Variants in CRISPLD2 observed in about 807,000 individuals in gnomAD.
CRISPLD2 encodes cysteine rich secretory protein LCCL domain containing 2, also known as cysteine-rich secretory protein LCCL domain-containing 2.
In CRISPLD2, 47 loss-of-function variants were observed where a neutral mutation model predicts 71.1. That is an observed-to-expected ratio of 0.66 (90% confidence interval 0.52 to 0.84). The LOEUF is 0.84. Ranked by LOEUF, CRISPLD2 falls within the 40% of genes least tolerant of loss-of-function variation. The pLI, the probability that CRISPLD2 is intolerant of heterozygous loss-of-function variation, is 0.00. For missense variants in CRISPLD2, 830 were observed against 651.1 expected (o/e 1.27, Z -2.99); for synonymous variants, 317 against 250.1 (o/e 1.27, Z -2.52).
At chr16:84,830,849 C>T (rs187135498) in intron 1 of CRISPLD2, among the ~76,000 whole-genome samples, 18 of 152,274 alleles carry the variant, frequency 1.2e-4, no homozygotes, top group African/African-American at 3.1e-4. Flanking sequence ...GGAAAGGCTG[C>T]GTGACCGTGT....
chr16:84,889,156 T>A, intron 13 of CRISPLD2, 74 bp from the exon 14 acceptor site: 2 of 1,605,422 alleles, frequency 1.2e-6, no homozygotes, highest in Non-Finnish European at 1.7e-6. Flanking sequence ...CAGCAGTGAA[T>A]GATGGAGCCC....
At chr16:84,823,332 GT>G (rs1166742725) in intron 1 of CRISPLD2, among the ~76,000 whole-genome samples, 1 of 152,214 alleles carries the variant, frequency 6.6e-6, no homozygotes. Context: ...TGTGTACAAG[GT>G]TTTTTGAGGG....
rs1567679947 is a variant in CRISPLD2, at chr16:84,834,943, T to G, written c.-74-3479T>G. Among the ~76,000 whole-genome samples the G allele has an allele frequency of 5.9e-5, 9 of 152,250 alleles. 2 individuals carry two copies. In the South Asian group the frequency reaches 1.9e-3, roughly 32 times the overall value. ...GGCCCCGTCTCCAAATACATTGCAT[T>G]TGGAGGTCCTGGACATTAGGGCTCC... is the stretch of plus-strand genomic sequence containing the variant. On this transcript the variant is annotated intron_variant, in intron 1 of 14. Coordinates refer to ENST00000262424, the MANE Select transcript of CRISPLD2 (RefSeq NM_031476.4).
intron 6 of CRISPLD2, among the ~76,000 whole-genome samples, chr16:84,865,849 G>C (rs1018080445): frequency 6.6e-6 from 1 of 152,164 alleles, no homozygotes. Flanking sequence ...TAAGTGCAAT[G>C]TGTTTGGTTA....
chr16:84,864,955 G>A (rs1480118517), intron 6 of CRISPLD2, among the ~76,000 whole-genome samples: 1 of 152,172 alleles, frequency 6.6e-6, no homozygotes, highest in Non-Finnish European at 1.5e-5. Flanking sequence ...GTGGTTGTAG[G>A]GTAGTGAAAT....
intron 5 of CRISPLD2, among the ~76,000 whole-genome samples, chr16:84,853,907 G>C (rs539029426): frequency 1.3e-5 from 2 of 152,236 alleles, no homozygotes; most frequent in South Asian, 2.1e-4. Context: ...GGCCCAAGCC[G>C]GGGAGCCTGC....
intron 1 of CRISPLD2, among the ~76,000 whole-genome samples, chr16:84,830,699 ACT>A (rs1474323587): frequency 6.6e-6 from 1 of 150,570 alleles, no homozygotes; most frequent in East Asian, 1.9e-4. Flanking sequence ...ACAGAGTGAG[ACT>A]CTGTCTTAAA....
chr16:84,864,157 C>A (rs761989448), intron 6 of CRISPLD2, among the ~76,000 whole-genome samples: 1 of 152,090 alleles, frequency 6.6e-6, no homozygotes, highest in East Asian at 1.9e-4. Context: ...TGGCCCGGAG[C>A]AGAATGGGGC....
intron 12 of CRISPLD2, among the ~76,000 whole-genome samples, 193 bp downstream of exon 12, chr16:84,877,703 A>G (rs1030006439): frequency 7.2e-5 from 11 of 151,966 alleles, no homozygotes; most frequent in Non-Finnish European, 1.2e-4. Flanking sequence ...TACAAAAATT[A>G]GTCAGCCATG....
In CRISPLD2 at chr16:84,865,265, T is replaced by C. The variant is rs533147699; in HGVS notation, c.710-1632T>C. ...CCACCTCCCAGGTTCAAGCAATTCT[T>C]CTGCCTCAGCCCCCCAAGTAGCTGG... On this transcript the variant is annotated intron_variant, in intron 6 of 14. Coordinates refer to ENST00000262424, the MANE Select transcript of CRISPLD2 (RefSeq NM_031476.4). Among the ~76,000 whole-genome samples the C allele has an allele frequency of 5.1e-3, 773 of 152,072 alleles. 4 individuals carry two copies. The highest frequency in any genetic ancestry group is 0.017 in the African/African-American group (711 of 41,472).
At chr16:84,862,295 C>T (rs1208059195) in intron 6 of CRISPLD2, among the ~76,000 whole-genome samples, 3 of 151,998 alleles carry the variant, frequency 2.0e-5, no homozygotes, top group African/African-American at 7.3e-5. Flanking sequence ...CTCAACCTCC[C>T]GGCCTCAAGG....
At chr16:84,820,815 G>C (rs569197375) in intron 1 of CRISPLD2, among the ~76,000 whole-genome samples, 1 of 152,178 alleles carries the variant, frequency 6.6e-6, no homozygotes, top group Non-Finnish European at 1.5e-5. Context: ...TAGCCAGAGC[G>C]GGCACCTGCA....
At chr16:84,862,518 T>C (rs1917412276) in intron 6 of CRISPLD2, among the ~76,000 whole-genome samples, 1 of 152,124 alleles carries the variant, frequency 6.6e-6, no homozygotes, top group African/African-American at 2.4e-5. Flanking sequence ...GGTTCCCATT[T>C]AGGATGTTTC....
At chr16:84,867,310 G>T (rs1314337272) in intron 7 of CRISPLD2, among the ~76,000 whole-genome samples, 2 of 152,204 alleles carry the variant, frequency 1.3e-5, no homozygotes, top group Admixed American at 6.5e-5. Context: ...ACCTTCCCTT[G>T]TCCTTTCAAA....
intron 1 of CRISPLD2, 129 bp downstream of exon 1, chr16:84,820,262 T>C (rs1916201901): frequency 2.0e-5 from 3 of 151,952 alleles, no homozygotes; most frequent in Admixed American, 6.6e-5. Context: ...TCTGCTTGCA[T>C]AGCGGAACAC....
chr16:84,892,853 G>C (rs916684945), intron 14 of CRISPLD2, among the ~76,000 whole-genome samples: 1 of 151,620 alleles, frequency 6.6e-6, no homozygotes, highest in South Asian at 2.1e-4. Flanking sequence ...GTGCACGCCT[G>C]TAATGCCAGC....
chr16:84,827,319 A>C (rs1371158746), intron 1 of CRISPLD2, among the ~76,000 whole-genome samples: 1 of 152,058 alleles, frequency 6.6e-6, no homozygotes, highest in East Asian at 1.9e-4. Flanking sequence ...TTGCGACACA[A>C]ACCAGACCCT....
chr16:84,880,139 T>C (rs1345762671), intron 12 of CRISPLD2, among the ~76,000 whole-genome samples: 1 of 152,208 alleles, frequency 6.6e-6, no homozygotes, highest in Non-Finnish European at 1.5e-5. Flanking sequence ...AGTCTCTTGA[T>C]GCTAATCTCC....
At chr16:84,871,740 TGG>T (rs1567696098) in intron 8 of CRISPLD2, among the ~76,000 whole-genome samples, 1 of 151,860 alleles carries the variant, frequency 6.6e-6, no homozygotes, top group Non-Finnish European at 1.5e-5. Context: ...TTAGTAGAGA[TGG>T]GTTTTTGCCA....
Sources: allele counts gnomAD v4.1 joint callset (sites outside exome capture counted in the v4.1 genomes callset), GRCh38; gene constraint gnomAD v4.1.1; transcripts MANE v1.5; gene names NCBI Gene and HGNC (gene_info 2026-07-23, HGNC 2026-07-21).